The following ADAM23 variants were observed in gnomAD, a reference collection of about 807,000 sequenced individuals.
The protein encoded by ADAM23 is disintegrin and metalloproteinase domain-containing protein 23.
In ADAM23, 33 loss-of-function variants were observed where a neutral mutation model predicts 120.1. That is an observed-to-expected ratio of 0.27 (90% CI 0.21 to 0.37). The LOEUF is 0.37. ADAM23 is among the 10% of genes least tolerant of loss of function. The probability of loss-of-function intolerance (pLI) is 1.00; values close to 1 mark genes in which losing one functional copy is unlikely to be tolerated. For missense variants in ADAM23, 862 were observed against 1,058.2 expected (o/e 0.81, Z 2.57); for synonymous variants, 367 against 375.2 (o/e 0.98, Z 0.25).
At chr2:206,461,083 G>C (rs1164794069) in intron 2 of ADAM23, among the ~76,000 whole-genome samples, 1 of 127,622 alleles carries the variant, frequency 7.8e-6, no homozygotes, top group Admixed American at 8.5e-5. Flanking sequence ...TTTTTTTTGA[G>C]ATGGAGTCTC....
chr2:206,606,326 A>G (rs1467228596), intron 24 of ADAM23, among the ~76,000 whole-genome samples: 3 of 152,202 alleles, frequency 2.0e-5, no homozygotes, highest in Non-Finnish European at 4.4e-5. Flanking sequence ...TTTTAAAGGT[A>G]ATAAAAATGA....
Position 206,587,395 on chromosome 2 carries a change from T to A in ADAM23, c.1788+20T>A. On this transcript the variant is annotated intron_variant, in intron 19 of 25. Transcript: ENST00000264377. ...AATCAGGTATGCTGGGCTATAAATT[T>A]TAAGTGTAATTTAAAAAGGATTCAT... The A allele has an allele frequency of 2.5e-6, 4 of 1,570,734 alleles. No individual in the cohort carries two copies. The highest frequency in any genetic ancestry group is 3.5e-6 in the Non-Finnish European group (4 of 1,154,836).
At chr2:206,577,472 C>T (rs1437025431) in intron 18 of ADAM23, among the ~76,000 whole-genome samples, 1 of 139,640 alleles carries the variant, frequency 7.2e-6, no homozygotes, top group African/African-American at 2.7e-5. Flanking sequence ...TCCATGTGAT[C>T]TCATTGTTCA....
At chr2:206,507,406 A>G (rs768393461) in intron 3 of ADAM23, among the ~76,000 whole-genome samples, 2 of 152,078 alleles carry the variant, frequency 1.3e-5, no homozygotes, top group Non-Finnish European at 2.9e-5. Context: ...AGTATGCAGC[A>G]CCACCCCCCT....
chr2:206,571,864 A>G lies in ADAM23; in HGVS notation c.1656+48A>G, dbSNP rs201693589. The G allele has an allele frequency of 2.0e-5, 31 of 1,517,640 alleles. No homozygotes were observed. The Middle Eastern group carries it at 5.1e-4, about 25-fold the overall frequency. 94.0% of individuals were successfully genotyped at this position (1,517,640 alleles called of 1,614,324 possible). On this transcript the variant is annotated intron_variant, in intron 17 of 25. Coordinates refer to ENST00000264377, the MANE Select transcript of ADAM23 (RefSeq NM_003812.4). ...CTTTCTTTTAATTGACAGATTAGCC[A>G]GATATCTCAGTGTGTACACTGAGCA... is the stretch of plus-strand genomic sequence containing the variant.
intron 14 of ADAM23, 121 bp from the exon 15 acceptor site, chr2:206,567,102 A>C: frequency 1.3e-6 from 1 of 759,196 alleles, no homozygotes; most frequent in Non-Finnish European, 2.1e-6. Flanking sequence ...CCTTGTCAAA[A>C]TTTGTGTAGA....
At chr2:206,608,881 GA>G (rs1280741227) in intron 24 of ADAM23, among the ~76,000 whole-genome samples, 1 of 152,186 alleles carries the variant, frequency 6.6e-6, no homozygotes, top group Non-Finnish European at 1.5e-5. Context: ...GGATTTTCGG[GA>G]AACTAGCAAC....
intron 3 of ADAM23, among the ~76,000 whole-genome samples, chr2:206,501,244 C>T (rs1696381074): frequency 6.6e-6 from 1 of 152,106 alleles, no homozygotes. Flanking sequence ...ATTTTCGAAT[C>T]TCTTCTTATC....
At chr2:206,477,731 T>C (rs1695801611) in intron 2 of ADAM23, among the ~76,000 whole-genome samples, 1 of 151,880 alleles carries the variant, frequency 6.6e-6, no homozygotes, top group Non-Finnish European at 1.5e-5. Flanking sequence ...GTATTTTTAA[T>C]GGATTTCAGT....
intron 4 of ADAM23, among the ~76,000 whole-genome samples, chr2:206,539,696 C>G (rs1257424908): frequency 1.3e-5 from 2 of 152,150 alleles, no homozygotes; most frequent in African/African-American, 2.4e-5. Context: ...TACTGGCCCA[C>G]TTCTGTTATG....
chr2:206,592,764 A>T, intron 22 of ADAM23, 28 bp downstream of exon 22: 1 of 1,598,476 alleles, frequency 6.3e-7, no homozygotes, highest in South Asian at 1.1e-5. Context: ...AGAAGACCTA[A>T]TAAGCCATGA....
intron 4 of ADAM23, among the ~76,000 whole-genome samples, chr2:206,539,282 A>G (rs1251233390): frequency 6.6e-6 from 1 of 152,134 alleles, no homozygotes; most frequent in African/African-American, 2.4e-5. Context: ...ATTAACTGAC[A>G]GTTTTGGATC....
chr2:206,576,171 G>C (rs1404187414), intron 18 of ADAM23, among the ~76,000 whole-genome samples: 3 of 152,072 alleles, frequency 2.0e-5, no homozygotes, highest in Non-Finnish European at 4.4e-5. Context: ...TGTAGGTTCT[G>C]TGTTTAATGA....
intron 4 of ADAM23, among the ~76,000 whole-genome samples, chr2:206,534,085 A>G (rs1311243043): frequency 6.6e-6 from 1 of 152,206 alleles, no homozygotes; most frequent in Non-Finnish European, 1.5e-5. Flanking sequence ...ATATCTACAG[A>G]ATTGTGCATC....
intron 10 of ADAM23, among the ~76,000 whole-genome samples, chr2:206,558,921 T>TTTGTTTG (rs1559263703): frequency 4.6e-4 from 62 of 134,800 alleles, no homozygotes; most frequent in Non-Finnish European, 1.7e-4. Context: ...ATCCATTGGT[T>TTTGTTTG]TTTGTTTGTT....
At chr2:206,603,990 G>T (rs1698686518) in intron 24 of ADAM23, among the ~76,000 whole-genome samples, 1 of 151,714 alleles carries the variant, frequency 6.6e-6, no homozygotes, top group East Asian at 1.9e-4. Flanking sequence ...TTATGACCAG[G>T]CACGGTGGCC....
intron 15 of ADAM23, among the ~76,000 whole-genome samples, chr2:206,569,311 A>G (rs1018062180): frequency 1.3e-5 from 2 of 152,248 alleles, no homozygotes; most frequent in East Asian, 1.9e-4. Context: ...AAAAATAACT[A>G]TAAATCATCT....
intron 10 of ADAM23, among the ~76,000 whole-genome samples, chr2:206,559,236 G>T (rs1444482797): frequency 6.6e-6 from 1 of 152,178 alleles, no homozygotes; most frequent in Non-Finnish European, 1.5e-5. Context: ...GAGCTACCGC[G>T]CCTGGCCCAT....
rs1166194056 is a variant in ADAM23 at position 206,511,404 on chromosome 2, TG to T, written c.510-19477del. 4.6e-5 allele frequency among the ~76,000 whole-genome samples: 7 copies of T among 152,310 alleles called. No individual in the cohort carries two copies. In the East Asian group the frequency reaches 1.4e-3, roughly 29 times the overall value. The stretch of plus-strand genomic sequence containing the variant: ...TTTCTCATTATGATTCTTCCATGCA[TG>T]GGGACAGCTATTTGCTGAAGCAGAG... On this transcript the variant is annotated intron_variant, in intron 3 of 25. Transcript: ENST00000264377.
Sources: gnomAD v4.1 joint callset for allele counts (sites outside exome capture counted in the v4.1 genomes callset) on GRCh38, gnomAD v4.1.1 for gene constraint, MANE v1.5 for transcripts, NCBI Gene and HGNC (gene_info 2026-07-23, HGNC 2026-07-21) for gene names.